Variants in TBC1D5 observed in about 807,000 individuals in gnomAD.
The protein encoded by TBC1D5 is TBC1 domain family member 5, also known as TBC1 domain family, member 5.
TBC1D5 carries 75 observed loss-of-function variants against 100.3 expected under a neutral mutation model. The observed-to-expected ratio is 0.75, with a 90% confidence interval of 0.62 to 0.91. The LOEUF is 0.91. Ranked by LOEUF, TBC1D5 falls within the 40% of genes least tolerant of loss-of-function variation. The pLI, the probability that TBC1D5 is intolerant of heterozygous loss-of-function variation, is 0.00. For synonymous variants in TBC1D5, 323 were observed against 325.6 expected, an observed-to-expected ratio of 0.99 and a Z score of 0.09; for missense variants, 910 against 942.4, an observed-to-expected ratio of 0.97 and a Z score of 0.45.
At chr3:17,491,704 G>A (rs2095642309) in intron 3 of TBC1D5, among the ~76,000 whole-genome samples, 1 of 152,122 alleles carries the variant, frequency 6.6e-6, no homozygotes, top group Non-Finnish European at 1.5e-5. Flanking sequence ...TGGTTTGCCA[G>A]TATTTTACTG....
chr3:17,573,658 T>C (rs2096640430), intron 2 of TBC1D5, among the ~76,000 whole-genome samples: 1 of 152,072 alleles, frequency 6.6e-6, no homozygotes, highest in African/African-American at 2.4e-5. Context: ...TAGCCATTTC[T>C]GGGCCACCCC....
chr3:17,442,382 G>A (rs1253898789), intron 3 of TBC1D5, among the ~76,000 whole-genome samples: 2 of 152,332 alleles, frequency 1.3e-5, no homozygotes, highest in South Asian at 2.1e-4. Flanking sequence ...AAGGTTCCCT[G>A]TTGTGCAGAC....
chr3:17,689,236 T>C (rs1288459502), intron 1 of TBC1D5, among the ~76,000 whole-genome samples: 3 of 151,736 alleles, frequency 2.0e-5, no homozygotes, highest in Non-Finnish European at 2.9e-5. Flanking sequence ...CTCTAGAAAA[T>C]GCGTTAGACA....
At chr3:17,404,805 G>A (rs768274419) in intron 6 of TBC1D5, 37 bp from the exon 7 acceptor site, 1 of 1,588,850 alleles carries the variant, frequency 6.3e-7, no homozygotes, top group South Asian at 1.1e-5. Flanking sequence ...ACAAGGATCA[G>A]AGGCTACTGG....
In TBC1D5 at chr3:17,417,671, T is replaced by C. The variant is rs547733698; in HGVS notation, c.167+10779A>G. Among the ~76,000 whole-genome samples, 34 of 152,270 alleles carry C rather than the reference T, an allele frequency of 2.2e-4. No homozygotes were observed. The South Asian group carries it at 5.4e-3, about 24-fold the overall frequency. ...AAACATACGTGTGCATGTGTCTTTA[T>C]AGCAGCATGATTTATAGTCCCTTGG... On this transcript the variant is annotated intron_variant, in intron 4 of 21. Transcript: ENST00000253692.
intron 13 of TBC1D5, among the ~76,000 whole-genome samples, chr3:17,329,727 T>C (rs1269635180): frequency 6.6e-6 from 1 of 152,152 alleles, no homozygotes. Context: ...CTCCTGAACA[T>C]TTCCTTGGTC....
At chr3:17,444,227 A>C (rs1246451884) in intron 3 of TBC1D5, among the ~76,000 whole-genome samples, 1 of 152,100 alleles carries the variant, frequency 6.6e-6, no homozygotes, top group Non-Finnish European at 1.5e-5. Flanking sequence ...GAAATTATTA[A>C]AACAAAAACT....
chr3:17,360,761 T>C (rs1638499382), intron 13 of TBC1D5, among the ~76,000 whole-genome samples: 1 of 152,026 alleles, frequency 6.6e-6, no homozygotes, highest in South Asian at 2.1e-4. Context: ...TTCTTCTATG[T>C]TATATATTTT....
intron 3 of TBC1D5, among the ~76,000 whole-genome samples, chr3:17,455,229 A>G (rs1341163393): frequency 2.3e-5 from 3 of 132,272 alleles, no homozygotes; most frequent in Non-Finnish European, 4.6e-5. Context: ...TATATTATAT[A>G]TTGTATACAT....
intron 13 of TBC1D5, among the ~76,000 whole-genome samples, chr3:17,327,742 T>A (rs929812976): frequency 6.6e-6 from 1 of 152,182 alleles, no homozygotes. Flanking sequence ...CTATATTTCA[T>A]GTTCTCGTAT....
intron 1 of TBC1D5, among the ~76,000 whole-genome samples, chr3:17,722,233 C>T (rs551366151): frequency 3.7e-4 from 56 of 152,248 alleles, no homozygotes; most frequent in Non-Finnish European, 7.1e-4. Context: ...ATTTAATTAA[C>T]GCTTCTATTT....
At chr3:17,243,032 G>A (rs1445023154) in intron 16 of TBC1D5, among the ~76,000 whole-genome samples, 4 of 152,108 alleles carry the variant, frequency 2.6e-5, no homozygotes, top group Non-Finnish European at 4.4e-5. Context: ...TGGAACAACT[G>A]TACCCCAAGC....
chr3:17,251,425 ACCC>A (rs67701407), intron 16 of TBC1D5, among the ~76,000 whole-genome samples: 2,770 of 111,012 alleles, frequency 0.025, 126 homozygotes, highest in African/African-American at 0.076. Flanking sequence ...ACTCACGGGA[ACCC>A]CCCCCCCCCC....
At chr3:17,341,024 C>T (rs138230852) in intron 13 of TBC1D5, among the ~76,000 whole-genome samples, 168 of 152,206 alleles carry the variant, frequency 1.1e-3, no homozygotes, top group African/African-American at 3.9e-3. Context: ...TGCATAATGA[C>T]TCTACTGTGA....
At chr3:17,162,357 A>G (rs1172205025) in intron 21 of TBC1D5, among the ~76,000 whole-genome samples, 2 of 152,244 alleles carry the variant, frequency 1.3e-5, no homozygotes, top group African/African-American at 2.4e-5. Context: ...AATGAGTAAC[A>G]GCTCTCAGGG....
intron 3 of TBC1D5, among the ~76,000 whole-genome samples, chr3:17,454,949 C>T (rs568007506): frequency 5.3e-5 from 8 of 151,134 alleles, no homozygotes; most frequent in African/African-American, 1.9e-4. Context: ...ACAACAACAA[C>T]AAAAAAAGGA....
intron 2 of TBC1D5, among the ~76,000 whole-genome samples, chr3:17,555,560 G>C (rs59891221): frequency 0.051 from 7,766 of 152,212 alleles, 633 homozygotes; most frequent in African/African-American, 0.17. Context: ...TGGACTCCCA[G>C]CTAATCTCTT....
At chr3:17,161,771 G>T (rs933335692) in intron 21 of TBC1D5, among the ~76,000 whole-genome samples, 1 of 152,216 alleles carries the variant, frequency 6.6e-6, no homozygotes, top group Non-Finnish European at 1.5e-5. Flanking sequence ...GATCTGGAGT[G>T]ATTCTATTAC....
chr3:17,470,446 A>C (rs2095359556), intron 3 of TBC1D5, among the ~76,000 whole-genome samples: 1 of 152,246 alleles, frequency 6.6e-6, no homozygotes, highest in African/African-American at 2.4e-5. Context: ...GAACACCCTA[A>C]GAATTTGTGT....
Sources: allele counts gnomAD v4.1 joint callset (sites outside exome capture counted in the v4.1 genomes callset), GRCh38; gene constraint gnomAD v4.1.1; transcripts MANE v1.5; gene names NCBI Gene and HGNC (gene_info 2026-07-23, HGNC 2026-07-21).